The following TIMP4 variants were observed in gnomAD, a reference collection of about 807,000 sequenced individuals.
TIMP4 encodes TIMP metallopeptidase inhibitor 4.
A neutral mutation model predicts 27.3 loss-of-function variants in TIMP4; 28 were observed. That is an observed-to-expected ratio of 1.03 (90% CI 0.76 to 1.41). TIMP4 has a LOEUF of 1.41. Among genes scored for constraint, TIMP4 ranks in the 40% most tolerant of loss-of-function variants. The pLI, the probability that TIMP4 is intolerant of heterozygous loss-of-function variation, is 0.00. For synonymous variants in TIMP4, 138 were observed against 115.5 expected, an observed-to-expected ratio of 1.20 and a Z score of -1.25; for missense variants, 307 against 285.5, an observed-to-expected ratio of 1.08 and a Z score of -0.54.
Position 12,154,444 on chromosome 3 carries a change from G to T in TIMP4, c.360C>A (p.Val120=), listed in dbSNP as rs374697285. Residue 120 remains valine, a synonymous_variant, in exon 4 of 5, where the codon GTC becomes GTA. Coordinates refer to ENST00000287814, the MANE Select transcript of TIMP4 (RefSeq NM_003256.4). Reference sequence around the variant, plus strand: ...GGATGAAGACTTTTCCATCACTGAGGACCTGACCTTCAAGGGGAGATGGAG... The same window carrying T: ...GGATGAAGACTTTTCCATCACTGAGTACCTGACCTTCAAGGGGAGATGGAG... ...SQKQYLLTGQ[V]LSDGKVFIHL... 6 of 1,614,074 alleles carry T rather than the reference G, an allele frequency of 3.7e-6. No individual in the cohort carries two copies. In the Middle Eastern group the frequency reaches 4.9e-4, roughly 133 times the overall value.
chr3:12,153,287 A>C lies in TIMP4; in HGVS notation c.*228T>G. On this transcript the variant is annotated 3_prime_UTR_variant, in exon 5 of 5. Coordinates refer to ENST00000287814, the MANE Select transcript of TIMP4 (RefSeq NM_003256.4). ...AGCCAGAAGAAACACTTGCAGTAAC[A>C]GCTACAAGGCTAGACTAATGGGGTT... 1 of 583,120 alleles carries C rather than the reference A, an allele frequency of 1.7e-6. No individual in the cohort carries two copies. Among genetic ancestry groups the C allele is most frequent in the Non-Finnish European group, 3.1e-6 (1 of 325,748 alleles). 36.1% of individuals were successfully genotyped at this position (583,120 alleles called of 1,614,324 possible). A position where few individuals can be genotyped will look rare whatever the true frequency, so the allele number is the denominator to read the frequency against.
intron 3 of TIMP4, among the ~76,000 whole-genome samples, chr3:12,155,757 A>G (rs1697437573): frequency 6.6e-6 from 1 of 152,166 alleles, no homozygotes; most frequent in South Asian, 2.1e-4. Context: ...GGCAGGGAAC[A>G]TGTTTCCTCA....
Position 12,154,384 on chromosome 3 carries a change from C to G in TIMP4, c.420G>C (p.Leu140=). The G allele has an allele frequency of 2.5e-6, 4 of 1,614,208 alleles. No homozygotes were observed. Among genetic ancestry groups the G allele is most frequent in the Non-Finnish European group, 3.4e-6 (4 of 1,180,038 alleles). ...LCNYIEPWED[L]SLVQRESLNH... is the part of the protein sequence containing the mutation. ...TCAGACTTTCCCTCTGCACCAAGGA[C>G]AGGTCCTCCCAGGGCTCGATGTAGT... The change falls in exon 4 of 5, where the codon CTG becomes CTC. Residue 140 remains leucine, a synonymous_variant. Transcript: ENST00000287814.
rs140467141 is a variant in TIMP4 at position 12,156,925 on chromosome 3, C to A, written c.247G>T (p.Gly83Trp). ...TGAACATCCTTGACTTTCTCAAACCCTTTGAACATCTGACAGGCAATTACA... is the reference window on the plus strand; with the variant it reads ...TGAACATCCTTGACTTTCTCAAACCATTTGAACATCTGACAGGCAATTACA... Reference protein sequence around the residue: ...YEIKQIKMFKGFEKVKDVQYI... With the variant: ...YEIKQIKMFKWFEKVKDVQYI... The change falls in exon 3 of 5, where the codon GGG becomes TGG. Residue 83 changes from glycine to tryptophan, a missense_variant. Transcript: ENST00000287814. The A allele has an allele frequency of 5.0e-6, 8 of 1,613,284 alleles. No homozygotes were observed. Among genetic ancestry groups the A allele is most frequent in the Non-Finnish European group, 6.8e-6 (8 of 1,179,262 alleles).
chr3:12,157,163 T>C (rs1415702468), intron 2 of TIMP4, among the ~76,000 whole-genome samples: 2 of 152,142 alleles, frequency 1.3e-5, no homozygotes, highest in Admixed American at 1.3e-4. Context: ...AGTGGCACCA[T>C]ACACCAGCAG....
At chr3:12,156,190 T>C (rs1697451766) in intron 3 of TIMP4, among the ~76,000 whole-genome samples, 1 of 152,246 alleles carries the variant, frequency 6.6e-6, no homozygotes, top group African/African-American at 2.4e-5. Flanking sequence ...CCTTGCTTTC[T>C]TTCTAAATAT....
At position 12,158,825 on chromosome 3, in the gene TIMP4, G is replaced by A. The variant is rs746718077; in HGVS notation, c.16C>T (p.Arg6Trp). 18 of 1,592,560 alleles carry A rather than the reference G, an allele frequency of 1.1e-5. No homozygotes were observed. The highest frequency in any genetic ancestry group is 1.4e-5 in the Non-Finnish European group (17 of 1,173,738). Residue 6 changes from arginine to tryptophan, a missense_variant, in exon 1 of 5, where the codon CGG (arginine) becomes TGG (tryptophan). Arg to Trp is a moderately radical substitution (Grantham distance 101). Coordinates refer to ENST00000287814, the MANE Select transcript of TIMP4 (RefSeq NM_003256.4). MPGSP[R>W]PAPSWVLLLR... ...AACAGCACCCAGCTTGGCGCGGGCC[G>A]AGGGCTCCCAGGCATGACACTGCAG...
At chr3:12,155,033 AG>A (rs1279221523) in intron 3 of TIMP4, among the ~76,000 whole-genome samples, 3 of 15,988 alleles carry the variant, frequency 1.9e-4, no homozygotes, top group Non-Finnish European at 5.1e-4. Flanking sequence ...TTCACCTTTC[AG>A]ACGAGATCGG....
chr3:12,157,482 A>G lies in TIMP4; in HGVS notation c.140T>C (p.Val47Ala). The change falls in exon 2 of 5, where the codon GTG becomes GCG. Residue 47 changes from valine to alanine, a missense_variant and splice_region_variant. Coordinates refer to ENST00000287814, the MANE Select transcript of TIMP4 (RefSeq NM_003256.4). ...PQQHICHSAL[V>A]IRAKISSEKV... is the part of the protein sequence containing the mutation. ...CTCACTGGAGATTTTGGCCCGAATC[A>G]CTGCATAGGAAGAGAAAAGAGGGAA... The G allele has an allele frequency of 1.2e-6, 2 of 1,614,028 alleles. No homozygotes were observed. Among genetic ancestry groups the G allele is most frequent in the Non-Finnish European group, 1.7e-6 (2 of 1,179,966 alleles).
At chr3:12,155,864 G>A (rs993786422) in intron 3 of TIMP4, among the ~76,000 whole-genome samples, 3 of 152,182 alleles carry the variant, frequency 2.0e-5, no homozygotes. Context: ...AAAGGGCCTG[G>A]TCTGCTAGAC....
chr3:12,153,397 G>A lies in TIMP4; in HGVS notation c.*118C>T. The A allele has an allele frequency of 3.3e-6, 4 of 1,199,436 alleles. No individual in the cohort carries two copies. The highest frequency in any genetic ancestry group is 4.9e-6 in the Non-Finnish European group (4 of 815,142). The allele number at this position is 1,199,436 out of a possible 1,614,324, so 74.3% of individuals were successfully genotyped here. On this transcript the variant is annotated 3_prime_UTR_variant, in exon 5 of 5. Coordinates refer to ENST00000287814, the MANE Select transcript of TIMP4 (RefSeq NM_003256.4). Reference sequence around the variant, plus strand: ...TTGACAGTGGCCAGACTGTCCACTTGGCACTTCTTATTAGCTGGCAGCAAG... The same window carrying A: ...TTGACAGTGGCCAGACTGTCCACTTAGCACTTCTTATTAGCTGGCAGCAAG...
At chr3:12,154,692 A>G (rs1281847002) in intron 3 of TIMP4, among the ~76,000 whole-genome samples, 3 of 152,240 alleles carry the variant, frequency 2.0e-5, no homozygotes, top group East Asian at 1.9e-4. Flanking sequence ...TTCGTTTAGC[A>G]TGGTACAGAG....
At chr3:12,157,355 G>T (rs200638524) in intron 2 of TIMP4, 30 bp downstream of exon 2, 8 of 1,603,270 alleles carry the variant, frequency 5.0e-6, no homozygotes, top group Non-Finnish European at 6.8e-6. Flanking sequence ...CAGCCTTAGG[G>T]GCTACACATC....
intron 3 of TIMP4, among the ~76,000 whole-genome samples, chr3:12,154,916 T>C (rs1559443614): frequency 6.6e-6 from 1 of 152,364 alleles, no homozygotes; most frequent in South Asian, 2.1e-4. Flanking sequence ...TCCCTTCCCC[T>C]TTCCAGCCCT....
At chr3:12,157,703 G>A (rs1005197066) in intron 1 of TIMP4, among the ~76,000 whole-genome samples, 5 of 152,128 alleles carry the variant, frequency 3.3e-5, no homozygotes, top group African/African-American at 7.2e-5. Flanking sequence ...TCCTATAACC[G>A]CTAAGCTGTT....
chr3:12,153,130 G>A lies in TIMP4; in HGVS notation c.*385C>T. The A allele has an allele frequency of 3.4e-6, 1 of 293,938 alleles. No individual in the cohort carries two copies. Among genetic ancestry groups the A allele is most frequent in the Non-Finnish European group, 6.7e-6 (1 of 149,126 alleles). 18.2% of individuals were successfully genotyped at this position (293,938 alleles called of 1,614,324 possible). ...TGCTGTCAAACCACCTTCTGATACTGTACATCGCAAGGATATACCATCTCA... is the reference window on the plus strand; with the variant it reads ...TGCTGTCAAACCACCTTCTGATACTATACATCGCAAGGATATACCATCTCA... On this transcript the variant is annotated 3_prime_UTR_variant, in exon 5 of 5. Coordinates refer to ENST00000287814, the MANE Select transcript of TIMP4 (RefSeq NM_003256.4).
chr3:12,157,615 C>T lies in TIMP4; in HGVS notation c.140-133G>A, dbSNP rs41293377. 8.1e-4 allele frequency: 628 copies of T among 770,656 alleles called. 2 individuals carry two copies. The highest frequency in any genetic ancestry group is 7.8e-3 in the African/African-American group (453 of 57,844). The allele number at this position is 770,656 out of a possible 1,614,324, so 47.7% of individuals were successfully genotyped here. A position where few individuals can be genotyped will look rare whatever the true frequency, so the allele number is the denominator to read the frequency against. ...TTTGGTGTGGCTGGGTTGTGAGCAA[C>T]GTGATGTGTGAGAAGGGGGACCTGG... On this transcript the variant is annotated intron_variant, in intron 1 of 4. Coordinates refer to ENST00000287814, the MANE Select transcript of TIMP4 (RefSeq NM_003256.4).
intron 3 of TIMP4, 23 bp from the exon 4 acceptor site, chr3:12,154,474 G>C: frequency 6.2e-7 from 1 of 1,613,192 alleles, no homozygotes; most frequent in South Asian, 1.1e-5. Flanking sequence ...ATGGAGGAGA[G>C]TCAAGCATCA....
chr3:12,155,666 G>A (rs1002389471), intron 3 of TIMP4, among the ~76,000 whole-genome samples: 1 of 152,178 alleles, frequency 6.6e-6, no homozygotes, highest in Non-Finnish European at 1.5e-5. Context: ...TCTCCTGTAG[G>A]ACCTGGGCAC....
Sources: allele counts gnomAD v4.1 joint callset (sites outside exome capture counted in the v4.1 genomes callset), GRCh38; gene constraint gnomAD v4.1.1; transcripts MANE v1.5; gene names NCBI Gene and HGNC (gene_info 2026-07-23, HGNC 2026-07-21).